MTREX: variants seen among roughly 807,000 people sequenced by gnomAD.
MTREX encodes Mtr4 exosome RNA helicase.
Under a neutral mutation model 135.4 loss-of-function variants are expected in MTREX, and 76 were observed. The observed-to-expected ratio is 0.56, with a 90% CI of 0.47 to 0.68. MTREX has a LOEUF of 0.68. MTREX is among the 30% of genes least tolerant of loss of function. The pLI is 0.00. For synonymous variants in MTREX, 404 were observed against 401.6 expected, an observed-to-expected ratio of 1.01 and a Z score of -0.07; for missense variants, 920 against 1,262.1, an observed-to-expected ratio of 0.73 and a Z score of 4.11.
At chr5:55,375,066 G>C (rs1272618129) in intron 16 of MTREX, among the ~76,000 whole-genome samples, 2 of 152,130 alleles carry the variant, frequency 1.3e-5, no homozygotes, top group Non-Finnish European at 2.9e-5. Context: ...AATAGGTGTG[G>C]GTCACAGACA....
At chr5:55,352,564 C>T (rs1561194770) in intron 13 of MTREX, among the ~76,000 whole-genome samples, 1 of 152,150 alleles carries the variant, frequency 6.6e-6, no homozygotes, top group African/African-American at 2.4e-5. Context: ...TATACTACCC[C>T]TATTATATAA....
At chr5:55,325,853 T>C (rs1362789563) in intron 3 of MTREX, among the ~76,000 whole-genome samples, 2 of 152,230 alleles carry the variant, frequency 1.3e-5, no homozygotes, top group Non-Finnish European at 2.9e-5. Context: ...TAGCTCTCAC[T>C]AAACGTAGTG....
chr5:55,353,245 A>G lies in MTREX; in HGVS notation c.1509A>G (p.Lys503=), dbSNP rs780093630. ...CTGTTTTATTTACAAATGCCCGCAA[A>G]TTTGATGGGAAGGATTTCCGATGGG... is the stretch of plus-strand genomic sequence containing the variant. ...ARTVLFTNAR[K]FDGKDFRWIS... Residue 503 remains lysine (K), a synonymous_variant, in exon 14 of 27, where the codon AAA becomes AAG. Transcript: ENST00000230640. 4 of 1,609,868 alleles carry G rather than the reference A, an allele frequency of 2.5e-6. No individual in the cohort carries two copies. Among genetic ancestry groups the G allele is most frequent in the Non-Finnish European group, 3.4e-6 (4 of 1,177,978 alleles).
chr5:55,420,681 T>C lies in MTREX; in HGVS notation c.2972-2197T>C, dbSNP rs141857926. On this transcript the variant is annotated intron_variant, in intron 25 of 26. Transcript: ENST00000230640. ...TAAGCAGATTCATAGAGACAAAGCA[T>C]AGACGTGGTTGCCATGGGCTGGAGG... Among the ~76,000 whole-genome samples the C allele has an allele frequency of 2.9e-4, 44 of 152,300 alleles. No individual in the cohort carries two copies. In the East Asian group the frequency reaches 7.2e-3, roughly 25 times the overall value.
intron 19 of MTREX, among the ~76,000 whole-genome samples, chr5:55,391,086 T>C (rs1561206239): frequency 1.3e-5 from 2 of 152,144 alleles, no homozygotes; most frequent in Non-Finnish European, 2.9e-5. Context: ...ACATTTTAAA[T>C]AATGTAGTGA....
chr5:55,361,953 G>A (rs1434220883), intron 15 of MTREX, among the ~76,000 whole-genome samples: 1 of 151,530 alleles, frequency 6.6e-6, no homozygotes, highest in Non-Finnish European at 1.5e-5. Context: ...GTCTTGCTCT[G>A]TTGCCCAGGC....
chr5:55,350,515 T>C (rs1299145493), intron 12 of MTREX, among the ~76,000 whole-genome samples: 1 of 152,214 alleles, frequency 6.6e-6, no homozygotes, highest in Non-Finnish European at 1.5e-5. Context: ...AATTGGTTTA[T>C]TTTTAGATTA....
chr5:55,310,116 GTT>G (rs1304546411), intron 1 of MTREX, among the ~76,000 whole-genome samples: 1 of 152,182 alleles, frequency 6.6e-6, no homozygotes, highest in Non-Finnish European at 1.5e-5. Flanking sequence ...GATAAAATGA[GTT>G]TTATTTGCAG....
intron 25 of MTREX, among the ~76,000 whole-genome samples, chr5:55,418,247 GAAAAA>G (rs1053403284): frequency 7.9e-6 from 1 of 126,192 alleles, no homozygotes; most frequent in East Asian, 2.2e-4. Context: ...AAAAAAAAAA[GAAAAA>G]AAGAAAAGTA....
At chr5:55,354,843 A>G (rs1448531523) in intron 14 of MTREX, among the ~76,000 whole-genome samples, 1 of 151,940 alleles carries the variant, frequency 6.6e-6, no homozygotes, top group Non-Finnish European at 1.5e-5. Context: ...GGTGGGGGGA[A>G]GGTACCATGA....
intron 22 of MTREX, among the ~76,000 whole-genome samples, chr5:55,407,624 T>A (rs748081875): frequency 6.6e-6 from 1 of 152,200 alleles, no homozygotes; most frequent in African/African-American, 2.4e-5. Flanking sequence ...CCATTTTGCC[T>A]TTTTAAACAT....
At chr5:55,322,280 G>A (rs1301164049) in intron 1 of MTREX, 47 bp from the exon 2 acceptor site, 1 of 1,526,576 alleles carries the variant, frequency 6.6e-7, no homozygotes, top group African/African-American at 1.4e-5. Context: ...TGCCCTTAAA[G>A]TAAAAGTGGA....
chr5:55,322,877 G>A (rs891969198), intron 2 of MTREX, among the ~76,000 whole-genome samples: 1 of 152,162 alleles, frequency 6.6e-6, no homozygotes, highest in Non-Finnish European at 1.5e-5. Context: ...TAGAGTGGCT[G>A]TGCATCTCAA....
chr5:55,361,760 T>C (rs1037117068), intron 15 of MTREX, among the ~76,000 whole-genome samples: 4 of 55,384 alleles, frequency 7.2e-5, no homozygotes, highest in East Asian at 7.7e-4. Context: ...ATCCAGCCCT[T>C]TTTTTTTTTT....
chr5:55,326,820 G>A (rs1314613676), intron 3 of MTREX, among the ~76,000 whole-genome samples: 2 of 152,076 alleles, frequency 1.3e-5, no homozygotes, highest in Middle Eastern at 3.2e-3. Flanking sequence ...CCTTCATTAG[G>A]TATTTCTCCT....
chr5:55,316,072 C>G (rs904181200), intron 1 of MTREX, among the ~76,000 whole-genome samples: 1 of 152,070 alleles, frequency 6.6e-6, no homozygotes, highest in Admixed American at 6.6e-5. Context: ...TACACCCTCC[C>G]AAGACTGAGC....
chr5:55,348,374 C>T (rs1326340321), intron 11 of MTREX, among the ~76,000 whole-genome samples: 1 of 152,162 alleles, frequency 6.6e-6, no homozygotes, highest in Non-Finnish European at 1.5e-5. Flanking sequence ...AACACTGTTT[C>T]ATTGTGGATT....
chr5:55,356,609 A>AT, intron 14 of MTREX: 1 of 181,248 alleles, frequency 5.5e-6, no homozygotes, highest in Admixed American at 5.4e-5. Flanking sequence ...GGTTGGACAT[A>AT]CTGGGTAGCC....
chr5:55,363,885 T>C (rs1268432492), intron 15 of MTREX, among the ~76,000 whole-genome samples: 1 of 152,224 alleles, frequency 6.6e-6, no homozygotes, highest in Admixed American at 6.5e-5. Context: ...TGGCATATGC[T>C]AAGCCCTCAG....
Sources: allele counts gnomAD v4.1 joint callset (sites outside exome capture counted in the v4.1 genomes callset), GRCh38; gene constraint gnomAD v4.1.1; transcripts MANE v1.5; gene names NCBI Gene and HGNC (gene_info 2026-07-23, HGNC 2026-07-21).